NEBL: variants seen among roughly 807,000 people sequenced by gnomAD.
NEBL encodes the protein nebulette, also known as LIM and SH3 protein 2.
Under a neutral mutation model 140.2 loss-of-function variants are expected in NEBL, and 122 were observed. The ratio of observed to expected loss-of-function variants is 0.87; its 90% CI spans 0.75 to 1.01. The LOEUF is 1.01. NEBL is among the 50% of genes least tolerant of loss of function. The probability of loss-of-function intolerance (pLI) is 0.00; values close to 1 mark genes in which losing one functional copy is unlikely to be tolerated. For missense variants in NEBL, 1,365 were observed against 1,231.3 expected, an observed-to-expected ratio of 1.11 and a Z score of -1.62; for synonymous variants, 436 against 398.9, an observed-to-expected ratio of 1.09 and a Z score of -1.11.
chr10:20,894,505 A>G (rs899646520), intron 2 of NEBL, among the ~76,000 whole-genome samples: 9 of 151,900 alleles, frequency 5.9e-5, no homozygotes, highest in Non-Finnish European at 1.2e-4. Flanking sequence ...AGGAAGGAAA[A>G]AAAGGAAGAA....
intron 2 of NEBL, among the ~76,000 whole-genome samples, chr10:21,068,380 C>G (rs1234461124): frequency 1.3e-5 from 2 of 152,202 alleles, no homozygotes; most frequent in Admixed American, 1.3e-4. Context: ...GCTGTTTCAA[C>G]CCCTACTCCC....
At chr10:20,823,568 T>C (rs1356458092) in intron 18 of NEBL, among the ~76,000 whole-genome samples, 1 of 152,124 alleles carries the variant, frequency 6.6e-6, no homozygotes, top group Admixed American at 6.6e-5. Flanking sequence ...AAAATAAATT[T>C]TATCATTAGG....
chr10:21,142,865 C>T (rs1839704495), intron 2 of NEBL, among the ~76,000 whole-genome samples: 1 of 152,106 alleles, frequency 6.6e-6, no homozygotes, highest in African/African-American at 2.4e-5. Context: ...TGAAACCATC[C>T]TCCTGCCCCC....
At chr10:21,102,505 T>C (rs1837521710) in intron 2 of NEBL, among the ~76,000 whole-genome samples, 1 of 152,208 alleles carries the variant, frequency 6.6e-6, no homozygotes, top group African/African-American at 2.4e-5. Context: ...CCTACAGTTT[T>C]ATTGAAATTG....
intron 3 of NEBL, among the ~76,000 whole-genome samples, chr10:20,980,917 C>T (rs1837013585): frequency 6.6e-6 from 1 of 152,178 alleles, no homozygotes; most frequent in Non-Finnish European, 1.5e-5. Context: ...GTGCTTAAGA[C>T]ATTCCACCGA....
chr10:21,212,577 T>C (rs932664375), intron 3 of NEBL, among the ~76,000 whole-genome samples: 4 of 152,290 alleles, frequency 2.6e-5, no homozygotes, highest in African/African-American at 9.6e-5. Context: ...GAAGCTTCGG[T>C]GAAAGGGGTG....
At chr10:20,830,659 T>C (rs1450463297) in intron 16 of NEBL, among the ~76,000 whole-genome samples, 1 of 151,720 alleles carries the variant, frequency 6.6e-6, no homozygotes, top group East Asian at 1.9e-4. Flanking sequence ...TATGAAATGG[T>C]TAAAAGACAA....
At chr10:20,992,825 T>C (rs1167597166) in intron 3 of NEBL, among the ~76,000 whole-genome samples, 1 of 122,466 alleles carries the variant, frequency 8.2e-6, no homozygotes, top group Non-Finnish European at 1.6e-5. Flanking sequence ...TCACCCAGGC[T>C]GGAGTGCAGT....
At chr10:20,970,474 G>GCT (rs1836520876) in intron 3 of NEBL, among the ~76,000 whole-genome samples, 2 of 151,702 alleles carry the variant, frequency 1.3e-5, no homozygotes, top group Admixed American at 6.6e-5. Flanking sequence ...CCTTGTCTCT[G>GCT]CTCCCCCCAC....
chr10:20,971,345 C>T (rs1187911204), intron 3 of NEBL, among the ~76,000 whole-genome samples: 5 of 151,990 alleles, frequency 3.3e-5, no homozygotes, highest in Non-Finnish European at 7.4e-5. Context: ...ATAAATTTTG[C>T]TTCTGAACAC....
chr10:21,083,176 T>C (rs1836466781), intron 2 of NEBL, among the ~76,000 whole-genome samples: 1 of 152,206 alleles, frequency 6.6e-6, no homozygotes, highest in Admixed American at 6.5e-5. Flanking sequence ...GCCTTAAAGA[T>C]TCTTTAGAGA....
intron 7 of NEBL, among the ~76,000 whole-genome samples, chr10:20,866,690 A>G (rs980878313): frequency 6.6e-6 from 1 of 152,190 alleles, no homozygotes; most frequent in African/African-American, 2.4e-5. Context: ...CCTCCTACAC[A>G]TGAACCTTCT....
chr10:20,827,968 T>C (rs111843659), intron 17 of NEBL, among the ~76,000 whole-genome samples: 2 of 152,010 alleles, frequency 1.3e-5, no homozygotes, highest in South Asian at 2.1e-4. Flanking sequence ...AAATAACTAA[T>C]GGGTACTAGG....
At chr10:21,193,515 A>G (rs1298062627) in intron 3 of NEBL, among the ~76,000 whole-genome samples, 5 of 152,138 alleles carry the variant, frequency 3.3e-5, no homozygotes, top group Admixed American at 3.3e-4. Context: ...CTGTACAAAC[A>G]CTATTTCAAG....
intron 19 of NEBL, among the ~76,000 whole-genome samples, chr10:20,820,631 G>A (rs953353165): frequency 1.3e-5 from 2 of 152,234 alleles, no homozygotes; most frequent in Non-Finnish European, 2.9e-5. Flanking sequence ...TTCGAGACCA[G>A]CCTGACCAAC....
intron 3 of NEBL, among the ~76,000 whole-genome samples, chr10:20,977,828 T>A (rs1427203709): frequency 6.6e-6 from 1 of 152,182 alleles, no homozygotes; most frequent in African/African-American, 2.4e-5. Flanking sequence ...AAGTACCACT[T>A]CCTAATTCAG....
intron 1 of NEBL, among the ~76,000 whole-genome samples, chr10:21,282,559 A>C (rs1217503197): frequency 3.3e-5 from 5 of 152,192 alleles, no homozygotes; most frequent in African/African-American, 1.2e-4. Context: ...GATGACAGAA[A>C]GTTCAGCTGG....
chr10:20,812,938 T>C lies in NEBL; in HGVS notation c.2349A>G (p.Val783=), dbSNP rs763590645. Residue 783 remains valine, a splice_region_variant and synonymous_variant, in exon 24 of 28, where the codon GTA becomes GTG. Transcript: ENST00000377122. ...TTTTTTCAAAATCTTCATGGTATTT[T>C]ACCTGAAAAAGGAAAAATCATCATA... is the stretch of plus-strand genomic sequence containing the variant. The part of the protein sequence containing the change: ...VKEAQNHISM[V]KYHEDFEKTK... 1 of 1,613,576 alleles carries C rather than the reference T, an allele frequency of 6.2e-7. No individual in the cohort carries two copies. The highest frequency in any genetic ancestry group is 1.1e-5 in the South Asian group (1 of 91,072).
chr10:20,934,541 C>T (rs1031357189), intron 4 of NEBL, among the ~76,000 whole-genome samples: 2 of 152,108 alleles, frequency 1.3e-5, no homozygotes, highest in South Asian at 4.1e-4. Flanking sequence ...GAACCTGAAA[C>T]CCGTGCTATC....
Sources: allele counts gnomAD v4.1 joint callset (sites outside exome capture counted in the v4.1 genomes callset), GRCh38; gene constraint gnomAD v4.1.1; transcripts MANE v1.5; gene names NCBI Gene and HGNC (gene_info 2026-07-23, HGNC 2026-07-21).